Variants in TGFBR3 observed in about 807,000 individuals in gnomAD.
TGFBR3 encodes transforming growth factor beta receptor type 3.
Under a neutral mutation model 87.9 loss-of-function variants are expected in TGFBR3, and 46 were observed. The observed-to-expected ratio is 0.52, with a 90% CI of 0.41 to 0.67. The LOEUF (loss-of-function observed/expected upper bound fraction) is 0.67, where lower values mean the gene tolerates loss of function less well. Among genes scored for constraint, TGFBR3 ranks in the 30% least tolerant of loss-of-function variants. The pLI, the probability that TGFBR3 is intolerant of heterozygous loss-of-function variation, is 0.00. For missense variants in TGFBR3, 866 were observed against 1,041.9 expected, an observed-to-expected ratio of 0.83 and a Z score of 2.32; for synonymous variants, 381 against 391.6, an observed-to-expected ratio of 0.97 and a Z score of 0.32.
intron 16 of TGFBR3, among the ~76,000 whole-genome samples, chr1:91,692,616 T>C (rs1008925844): frequency 6.6e-6 from 1 of 152,162 alleles, no homozygotes; most frequent in Non-Finnish European, 1.5e-5. Context: ...GAACATTCTA[T>C]GGTTCCAGCA....
chr1:91,732,163 G>A (rs1049977678), intron 5 of TGFBR3, among the ~76,000 whole-genome samples: 5 of 152,150 alleles, frequency 3.3e-5, no homozygotes, highest in African/African-American at 1.2e-4. Flanking sequence ...TGAACCTGGG[G>A]GGTAATGCAA....
intron 2 of TGFBR3, among the ~76,000 whole-genome samples, chr1:91,848,099 G>T (rs1557742327): frequency 6.6e-6 from 1 of 152,134 alleles, no homozygotes; most frequent in African/African-American, 2.4e-5. Flanking sequence ...CCAGCACATG[G>T]ATCCCTCTGA....
intron 14 of TGFBR3, among the ~76,000 whole-genome samples, chr1:91,703,300 C>T (rs1348075098): frequency 6.6e-6 from 1 of 152,140 alleles, no homozygotes; most frequent in Admixed American, 6.5e-5. Flanking sequence ...TTCCAACTGA[C>T]GTTCACAACT....
At position 91,683,478 on chromosome 1, in the gene TGFBR3, G is replaced by A. The variant is rs971472508; in HGVS notation, c.*261C>T. On this transcript the variant is annotated 3_prime_UTR_variant, in exon 17 of 17. Transcript: ENST00000212355. ...TTGAAAACCCCCAAGCCTGTGAGGGGCTGGTGGAGAAGACCACCATTTTAG... is the reference window on the plus strand; with the variant it reads ...TTGAAAACCCCCAAGCCTGTGAGGGACTGGTGGAGAAGACCACCATTTTAG... The A allele has an allele frequency of 1.5e-6, 1 of 667,850 alleles. No individual in the cohort carries two copies. Among genetic ancestry groups the A allele is most frequent in the African/African-American group, 1.8e-5 (1 of 56,580 alleles). The allele number at this position is 667,850 out of a possible 1,614,324, so 41.4% of individuals were successfully genotyped here.
chr1:91,733,310 T>C (rs992760154), intron 5 of TGFBR3, among the ~76,000 whole-genome samples: 3 of 152,240 alleles, frequency 2.0e-5, no homozygotes, highest in African/African-American at 7.2e-5. Context: ...TGTCACTTGT[T>C]AGTAACTTGG....
intron 3 of TGFBR3, among the ~76,000 whole-genome samples, chr1:91,762,304 G>A (rs1673997785): frequency 6.6e-6 from 1 of 152,122 alleles, no homozygotes; most frequent in Non-Finnish European, 1.5e-5. Flanking sequence ...CAATGTCAGG[G>A]AATTACATTC....
At chr1:91,803,413 A>G (rs975555228) in intron 2 of TGFBR3, among the ~76,000 whole-genome samples, 2 of 152,192 alleles carry the variant, frequency 1.3e-5, no homozygotes, top group Non-Finnish European at 2.9e-5. Context: ...ATGTGGATGT[A>G]ACAGGCAGCA....
At position 91,698,142 on chromosome 1, in the gene TGFBR3, A is replaced by T. The variant is rs532916000; in HGVS notation, c.2288-12T>A. 1 of 1,612,594 alleles carries T rather than the reference A, an allele frequency of 6.2e-7. No homozygotes were observed. Among genetic ancestry groups the T allele is most frequent in the Admixed American group, 1.7e-5 (1 of 60,018 alleles). ...GCTTGGACCTTTTTCTGAAACAAAA[A>T]CATAAATCACAATGTATTCTATGGA... On this transcript the variant is annotated splice_polypyrimidine_tract_variant and intron_variant, in intron 14 of 16. Coordinates refer to ENST00000212355, the MANE Select transcript of TGFBR3 (RefSeq NM_003243.5).
chr1:91,689,350 T>C (rs1447297506), intron 16 of TGFBR3, among the ~76,000 whole-genome samples: 1 of 152,188 alleles, frequency 6.6e-6, no homozygotes, highest in Non-Finnish European at 1.5e-5. Flanking sequence ...CCAATCTGCT[T>C]ATAATCAGTC....
chr1:91,759,112 T>C (rs903249584), intron 3 of TGFBR3, among the ~76,000 whole-genome samples: 2 of 152,176 alleles, frequency 1.3e-5, no homozygotes, highest in Non-Finnish European at 2.9e-5. Context: ...GTCAAATGAC[T>C]AAGGTGAAAC....
intron 1 of TGFBR3, among the ~76,000 whole-genome samples, chr1:91,899,900 T>A (rs979504636): frequency 2.7e-5 from 4 of 150,920 alleles, no homozygotes; most frequent in Admixed American, 2.6e-4. Flanking sequence ...TAGTGTGCTA[T>A]GATGGTACCT....
At chr1:91,889,559 T>G (rs895357894), upstream of TGFBR3, among the ~76,000 whole-genome samples, 1 of 152,130 alleles carries the variant, frequency 6.6e-6, no homozygotes, top group Non-Finnish European at 1.5e-5. Context: ...CTTTACAATA[T>G]GATATTAAAA....
intron 2 of TGFBR3, among the ~76,000 whole-genome samples, chr1:91,807,920 C>T (rs1052078309): frequency 1.3e-5 from 2 of 152,138 alleles, no homozygotes; most frequent in African/African-American, 2.4e-5. Context: ...TATGTGAAAA[C>T]GCTTTACAAA....
intron 4 of TGFBR3, among the ~76,000 whole-genome samples, chr1:91,737,575 C>T (rs930831054): frequency 6.6e-6 from 1 of 152,132 alleles, no homozygotes; most frequent in Admixed American, 6.5e-5. Context: ...GCTCCCAAGA[C>T]AGCAGATTTC....
intron 2 of TGFBR3, among the ~76,000 whole-genome samples, chr1:91,851,869 T>A (rs944390286): frequency 1.3e-5 from 2 of 152,208 alleles, no homozygotes; most frequent in African/African-American, 4.8e-5. Flanking sequence ...CATCTAGCAA[T>A]AATCTTACTC....
intron 2 of TGFBR3, among the ~76,000 whole-genome samples, chr1:91,805,902 C>G (rs1405658674): frequency 6.6e-6 from 1 of 152,190 alleles, no homozygotes; most frequent in Non-Finnish European, 1.5e-5. Flanking sequence ...GGATTTGAAC[C>G]TGGGTCTCTG....
chr1:91,784,660 T>C (rs949928500), intron 3 of TGFBR3, among the ~76,000 whole-genome samples: 5 of 152,112 alleles, frequency 3.3e-5, no homozygotes, highest in African/African-American at 1.2e-4. Flanking sequence ...GTGGCAAGAA[T>C]TGAGAGACTG....
chr1:91,741,877 T>C (rs1042893017), intron 4 of TGFBR3, among the ~76,000 whole-genome samples: 2 of 152,088 alleles, frequency 1.3e-5, no homozygotes, highest in African/African-American at 4.8e-5. Flanking sequence ...TCCTCCACAC[T>C]GTCACCTGGG....
At chr1:91,751,307 C>G (rs1288758100) in intron 4 of TGFBR3, among the ~76,000 whole-genome samples, 2 of 152,114 alleles carry the variant, frequency 1.3e-5, no homozygotes, top group Admixed American at 1.3e-4. Flanking sequence ...ACTTGAATGT[C>G]TGAGTTATTC....
Sources: allele counts gnomAD v4.1 joint callset (sites outside exome capture counted in the v4.1 genomes callset), GRCh38; gene constraint gnomAD v4.1.1; transcripts MANE v1.5; gene names NCBI Gene and HGNC (gene_info 2026-07-23, HGNC 2026-07-21).